NELL1: variants seen among roughly 807,000 people sequenced by gnomAD.
NELL1 encodes protein kinase C-binding protein NELL1.
In NELL1, 76 loss-of-function variants were observed where a neutral mutation model predicts 107.4. The ratio of observed to expected loss-of-function variants is 0.71; its 90% confidence interval spans 0.59 to 0.86. NELL1 has a LOEUF of 0.86. Among genes scored for constraint, NELL1 ranks in the 40% least tolerant of loss-of-function variants. The pLI is 0.00. For missense variants in NELL1, 1,024 were observed against 1,005.5 expected, an observed-to-expected ratio of 1.02 and a Z score of -0.25; for synonymous variants, 353 against 341.2, an observed-to-expected ratio of 1.03 and a Z score of -0.38.
intron 2 of NELL1, among the ~76,000 whole-genome samples, chr11:20,713,388 TTA>T (rs1333409316): frequency 6.6e-6 from 1 of 151,704 alleles, no homozygotes; most frequent in Non-Finnish European, 1.5e-5. Flanking sequence ...GCCAATGGGG[TTA>T]TGTTTCAGAG....
chr11:21,338,587 C>T (rs1850489576), intron 14 of NELL1, among the ~76,000 whole-genome samples: 1 of 152,108 alleles, frequency 6.6e-6, no homozygotes, highest in South Asian at 2.1e-4. Context: ...TGAGGATTTA[C>T]CCCAGACTTA....
At chr11:20,693,318 A>G (rs1454711546) in intron 2 of NELL1, among the ~76,000 whole-genome samples, 1 of 151,186 alleles carries the variant, frequency 6.6e-6, no homozygotes, top group Non-Finnish European at 1.5e-5. Flanking sequence ...TGTGAATTTG[A>G]TCCTGTCATT....
chr11:21,319,621 C>T (rs1358774452), intron 14 of NELL1, among the ~76,000 whole-genome samples: 3 of 151,286 alleles, frequency 2.0e-5, no homozygotes, highest in Non-Finnish European at 2.9e-5. Context: ...GGATTACAAG[C>T]GTGTGTCACC....
At chr11:21,230,183 G>C (rs927722055) in intron 14 of NELL1, among the ~76,000 whole-genome samples, 2 of 152,122 alleles carry the variant, frequency 1.3e-5, no homozygotes, top group Non-Finnish European at 2.9e-5. Flanking sequence ...CCCACACCAG[G>C]CTTGATTTTT....
At chr11:21,279,145 A>T (rs1167942329) in intron 14 of NELL1, among the ~76,000 whole-genome samples, 1 of 152,200 alleles carries the variant, frequency 6.6e-6, no homozygotes, top group Non-Finnish European at 1.5e-5. Context: ...TGGATCATAA[A>T]TGGTAATGAA....
At chr11:20,952,753 G>C (rs893780456) in intron 11 of NELL1, among the ~76,000 whole-genome samples, 2 of 152,194 alleles carry the variant, frequency 1.3e-5, no homozygotes, top group East Asian at 3.9e-4. Flanking sequence ...TGCTACAGTG[G>C]ATCAAGGTCT....
intron 4 of NELL1, among the ~76,000 whole-genome samples, chr11:20,855,854 T>C (rs1848872955): frequency 6.6e-6 from 1 of 152,156 alleles, no homozygotes; most frequent in African/African-American, 2.4e-5. Context: ...GCATGAGCCA[T>C]GAGGACTTTT....
intron 11 of NELL1, among the ~76,000 whole-genome samples, chr11:20,956,550 G>A (rs1476456577): frequency 1.3e-5 from 2 of 151,180 alleles, no homozygotes; most frequent in Non-Finnish European, 2.9e-5. Flanking sequence ...GGAAGCTGAG[G>A]CAGGAGAATG....
chr11:21,060,203 G>A (rs1449205447), intron 12 of NELL1, among the ~76,000 whole-genome samples: 1 of 152,120 alleles, frequency 6.6e-6, no homozygotes. Flanking sequence ...CCCACAGCCT[G>A]GTCTTGAATC....
chr11:21,485,767 A>C (rs1281666561), intron 15 of NELL1, among the ~76,000 whole-genome samples: 1 of 151,962 alleles, frequency 6.6e-6, no homozygotes. Flanking sequence ...GTGCCAGAAC[A>C]TCCTACCAGA....
In NELL1 at chr11:21,307,314, C is replaced by A. The variant is rs537235993; in HGVS notation, c.1550-63539C>A. Among the ~76,000 whole-genome samples the A allele has an allele frequency of 2.7e-4, 41 of 151,826 alleles. No individual in the cohort carries two copies. The South Asian group carries it at 8.3e-3, about 31-fold the overall frequency. On this transcript the variant is annotated intron_variant, in intron 14 of 19. Transcript: ENST00000357134. ...AATAATTTAATCCATTTGCAGCTAA[C>A]CCTGGATGTGTGTGTGTTTGTGTGT...
intron 14 of NELL1, among the ~76,000 whole-genome samples, chr11:21,338,079 A>G (rs1850477708): frequency 6.6e-6 from 1 of 151,984 alleles, no homozygotes; most frequent in African/African-American, 2.4e-5. Flanking sequence ...AATATGTAAG[A>G]GTCAAACATG....
chr11:20,710,411 G>A (rs1244367706), intron 2 of NELL1, among the ~76,000 whole-genome samples: 2 of 152,156 alleles, frequency 1.3e-5, no homozygotes, highest in Non-Finnish European at 2.9e-5. Context: ...AGAACATGGT[G>A]TGATATCTTT....
chr11:20,832,168 A>G (rs907426122), intron 3 of NELL1, among the ~76,000 whole-genome samples: 1 of 152,196 alleles, frequency 6.6e-6, no homozygotes, highest in African/African-American at 2.4e-5. Flanking sequence ...AATGACCGTT[A>G]CCACTTAGGC....
chr11:21,359,973 T>C (rs1299261588), intron 14 of NELL1, among the ~76,000 whole-genome samples: 5 of 152,270 alleles, frequency 3.3e-5, no homozygotes, highest in African/African-American at 1.2e-4. Flanking sequence ...TTGATTTCTT[T>C]GTTTCAATTT....
chr11:21,209,440 C>T (rs1857455735), intron 13 of NELL1, among the ~76,000 whole-genome samples: 1 of 151,172 alleles, frequency 6.6e-6, no homozygotes, highest in South Asian at 2.1e-4. Context: ...GGATTTTTAT[C>T]AAAATAACTA....
chr11:21,210,339 A>G (rs1328662085), intron 13 of NELL1, among the ~76,000 whole-genome samples: 1 of 152,112 alleles, frequency 6.6e-6, no homozygotes, highest in African/African-American at 2.4e-5. Flanking sequence ...AATATTTTAC[A>G]CTTCCACGAG....
chr11:21,306,505 A>G (rs1021853789), intron 14 of NELL1, among the ~76,000 whole-genome samples: 1 of 152,068 alleles, frequency 6.6e-6, no homozygotes, highest in African/African-American at 2.4e-5. Flanking sequence ...TTCCACATAT[A>G]CTAGGAACCT....
intron 12 of NELL1, among the ~76,000 whole-genome samples, chr11:21,021,836 T>C (rs574422570): frequency 1.9e-4 from 29 of 152,282 alleles, no homozygotes; most frequent in African/African-American, 7.0e-4. Context: ...AGAAGCAAAT[T>C]GAACTTGCGT....
Sources: gnomAD v4.1 joint callset for allele counts (sites outside exome capture counted in the v4.1 genomes callset) on GRCh38, gnomAD v4.1.1 for gene constraint, MANE v1.5 for transcripts, NCBI Gene and HGNC (gene_info 2026-07-23, HGNC 2026-07-21) for gene names.